The following SLC41A3 variants were observed in gnomAD, a reference collection of about 807,000 sequenced individuals.
The protein encoded by SLC41A3 is solute carrier family 41 member 3, also known as SLC41A1-like 2.
In SLC41A3, 44 loss-of-function variants were observed where a neutral mutation model predicts 45.4. The observed-to-expected ratio is 0.97, with a 90% confidence interval of 0.76 to 1.25. The LOEUF is 1.25. Among genes scored for constraint, SLC41A3 ranks in the 50% most tolerant of loss-of-function variants. SLC41A3 has a pLI of 0.00. For missense variants in SLC41A3, 550 were observed against 600.6 expected (o/e 0.92, Z 0.88); for synonymous variants, 256 against 252.4 (o/e 1.01, Z -0.13).
chr3:126,008,195 C>T (rs2107630351), intron 10 of SLC41A3, among the ~76,000 whole-genome samples: 1 of 152,322 alleles, frequency 6.6e-6, no homozygotes, highest in South Asian at 2.1e-4. Context: ...TGTGCCGTGT[C>T]TAGCATGCAG....
At chr3:126,040,903 T>C (rs1942549344) in intron 3 of SLC41A3, among the ~76,000 whole-genome samples, 1 of 152,010 alleles carries the variant, frequency 6.6e-6, no homozygotes, top group African/African-American at 2.4e-5. Flanking sequence ...CTCAACAAAG[T>C]CAACCAATGG....
intron 3 of SLC41A3, among the ~76,000 whole-genome samples, chr3:126,033,947 C>G (rs1204318595): frequency 6.7e-6 from 1 of 150,092 alleles, no homozygotes; most frequent in Non-Finnish European, 1.5e-5. Context: ...GACTGCACCA[C>G]CTGCACACAC....
In SLC41A3 at chr3:126,026,304, G is replaced by A. The variant is rs1167565400; in HGVS notation, c.598+31C>T. ...TGGGACCTCAGAGGAGCAGGGAGCG[G>A]GTGGGGGCTCACAGCTGGGGCATGG... On this transcript the variant is annotated intron_variant, in intron 5 of 10. Transcript: ENST00000360370. The surrounding 1 kb of genome is among the most constrained non-coding windows in gnomAD (Gnocchi z 4.2). The A allele has an allele frequency of 1.3e-6, 2 of 1,552,540 alleles. No homozygotes were observed. Among genetic ancestry groups the A allele is most frequent in the African/African-American group, 2.7e-5 (2 of 73,180 alleles).
At chr3:126,095,765 T>G (rs1430435777) in intron 1 of SLC41A3, among the ~76,000 whole-genome samples, 1 of 152,208 alleles carries the variant, frequency 6.6e-6, no homozygotes, top group African/African-American at 2.4e-5. Context: ...ACGATTCCTA[T>G]GGAATCATTA....
intron 2 of SLC41A3, chr3:126,056,459 A>T: frequency 6.2e-7 from 1 of 1,614,240 alleles, no homozygotes; most frequent in East Asian, 2.2e-5. Flanking sequence ...GATTCAGGCA[A>T]GACCCCATGT....
intron 9 of SLC41A3, 78 bp from the exon 10 acceptor site, chr3:126,008,958 T>C (rs1162686839): frequency 1.9e-6 from 3 of 1,552,880 alleles, no homozygotes; most frequent in Non-Finnish European, 2.6e-6. Context: ...CAGTGAGGCA[T>C]CCACACTCAC....
chr3:126,063,320 G>C (rs1278277547), intron 2 of SLC41A3, among the ~76,000 whole-genome samples: 2 of 151,996 alleles, frequency 1.3e-5, no homozygotes, highest in African/African-American at 2.4e-5. Flanking sequence ...GGGCCTCTTG[G>C]CTACCCAAGG....
intron 1 of SLC41A3, chr3:126,092,752 G>C (rs1208616235): frequency 6.6e-6 from 1 of 152,252 alleles, no homozygotes; most frequent in African/African-American, 2.4e-5. Flanking sequence ...AGAAGCATCA[G>C]GGTAACAATG....
intron 4 of SLC41A3, among the ~76,000 whole-genome samples, chr3:126,031,866 T>G (rs1183025571): frequency 5.3e-5 from 8 of 152,240 alleles, no homozygotes; most frequent in Non-Finnish European, 1.5e-5. Context: ...CATTCAACTC[T>G]GCAGTTCCTC....
intron 2 of SLC41A3, among the ~76,000 whole-genome samples, chr3:126,052,767 C>T (rs1325131647): frequency 6.6e-6 from 1 of 152,134 alleles, no homozygotes; most frequent in Admixed American, 6.5e-5. Context: ...CCCATCTCGG[C>T]CCCTCTTCTT....
intron 10 of SLC41A3, among the ~76,000 whole-genome samples, chr3:126,008,380 G>A (rs575116228): frequency 5.3e-5 from 8 of 151,816 alleles, no homozygotes; most frequent in African/African-American, 1.7e-4. Flanking sequence ...GGAGTGTGTG[G>A]TGTGAAGTGT....
chr3:126,008,042 C>G (rs942871302), intron 10 of SLC41A3, among the ~76,000 whole-genome samples: 1 of 152,238 alleles, frequency 6.6e-6, no homozygotes, highest in African/African-American at 2.4e-5. Flanking sequence ...CTGCAGGGGT[C>G]TGGCCCTGCC....
At chr3:126,010,541 A>T (rs551434995) in intron 9 of SLC41A3, among the ~76,000 whole-genome samples, 9 of 152,358 alleles carry the variant, frequency 5.9e-5, no homozygotes, top group African/African-American at 2.2e-4. Flanking sequence ...CCGGCAAAAC[A>T]GACAACTTTC....
chr3:126,011,610 C>A (rs1159713313), intron 9 of SLC41A3, among the ~76,000 whole-genome samples: 1 of 152,116 alleles, frequency 6.6e-6, no homozygotes, highest in Non-Finnish European at 1.5e-5. Flanking sequence ...ATAGGATAAA[C>A]CCCAAAAAGT....
intron 2 of SLC41A3, among the ~76,000 whole-genome samples, chr3:126,058,802 T>C (rs1168630023): frequency 6.6e-6 from 1 of 152,204 alleles, no homozygotes; most frequent in African/African-American, 2.4e-5. Context: ...CATGGTCATA[T>C]GCTGCAGCTG....
At position 126,006,661 on chromosome 3, in the gene SLC41A3, G is replaced by A; in HGVS notation, c.*355C>T. On this transcript the variant is annotated 3_prime_UTR_variant, in exon 11 of 11. Coordinates refer to ENST00000360370, the MANE Select transcript of SLC41A3 (RefSeq NM_017836.4). ...CTCCACCCCAATCTGGGTTGCATGG[G>A]CATGGAAAAGAGCAAACACACCCTG... The A allele has an allele frequency of 1.3e-6, 2 of 1,495,226 alleles. No individual in the cohort carries two copies. The highest frequency in any genetic ancestry group is 1.8e-6 in the Non-Finnish European group (2 of 1,126,300). 92.6% of individuals were successfully genotyped at this position (1,495,226 alleles called of 1,614,324 possible).
chr3:126,094,329 G>T (rs963185162), intron 1 of SLC41A3, among the ~76,000 whole-genome samples: 3 of 152,180 alleles, frequency 2.0e-5, no homozygotes, highest in Non-Finnish European at 2.9e-5. Flanking sequence ...CTTTAAAATG[G>T]TTAACAGATA....
intron 1 of SLC41A3, among the ~76,000 whole-genome samples, chr3:126,077,923 C>T (rs566932895): frequency 1.3e-5 from 2 of 152,306 alleles, no homozygotes; most frequent in African/African-American, 2.4e-5. Flanking sequence ...CTCGAGTTGG[C>T]GGCACCCTCG....
chr3:126,011,359 A>C (rs1023242966), intron 9 of SLC41A3, among the ~76,000 whole-genome samples: 3 of 152,216 alleles, frequency 2.0e-5, no homozygotes, highest in Non-Finnish European at 4.4e-5. Context: ...CAGGGGAAAA[A>C]AGATCAGTCA....
Sources: allele counts gnomAD v4.1 joint callset (sites outside exome capture counted in the v4.1 genomes callset), GRCh38; gene constraint gnomAD v4.1.1; non-coding constraint Gnocchi (gnomAD v3.1); transcripts MANE v1.5; gene names NCBI Gene and HGNC (gene_info 2026-07-23, HGNC 2026-07-21).